Variants in PMP22 observed in about 807,000 individuals in gnomAD.
PMP22 encodes Charcot-Marie-Tooth neuropathy 1A (greatly reduced nerve conduction velocity, hereditary motor sensory neuropathy Ia).
PMP22 carries 2 observed loss-of-function variants against 18.9 expected under a neutral mutation model. That is an observed-to-expected ratio of 0.11 (90% CI 0.04 to 0.33). The LOEUF (loss-of-function observed/expected upper bound fraction) is 0.33, where lower values mean the gene tolerates loss of function less well. Ranked by LOEUF, PMP22 falls within the 10% of genes least tolerant of loss-of-function variation. The probability of loss-of-function intolerance (pLI) is 1.00; values close to 1 mark genes in which losing one functional copy is unlikely to be tolerated. For missense variants in PMP22, 169 were observed against 202.2 expected, an observed-to-expected ratio of 0.84 and a Z score of 1.00; for synonymous variants, 95 against 89.2, an observed-to-expected ratio of 1.07 and a Z score of -0.37.
At chr17:15,260,947 G>A in intron 1 of PMP22, 186 bp from the exon 2 acceptor site, 1 of 377,896 alleles carries the variant, frequency 2.6e-6, no homozygotes. Context: ...CCGCCTGCAG[G>A]ACCAGCGCCC....
At chr17:15,260,477 C>T in intron 2 of PMP22, 173 bp downstream of exon 2, 1 of 680,222 alleles carries the variant, frequency 1.5e-6, no homozygotes, top group Non-Finnish European at 2.7e-6. Flanking sequence ...ACTGAATCTG[C>T]TCTCGTTTTC....
chr17:15,260,868 C>G (rs1909276355), intron 1 of PMP22, 107 bp from the exon 2 acceptor site: 1 of 786,164 alleles, frequency 1.3e-6, no homozygotes, highest in South Asian at 1.6e-5. Context: ...CCTGGCCCAG[C>G]GCCCGCAGCC....
intron 3 of PMP22, among the ~76,000 whole-genome samples, chr17:15,243,553 G>A (rs562982145): frequency 1.4e-4 from 21 of 151,318 alleles, no homozygotes; most frequent in African/African-American, 4.6e-4. Flanking sequence ...AATGAGTCAA[G>A]ATACCACCTA....
intron 4 of PMP22, 89 bp downstream of exon 4, chr17:15,239,382 T>C (rs758199139): frequency 8.2e-6 from 12 of 1,464,940 alleles, no homozygotes; most frequent in Non-Finnish European, 1.1e-5. Context: ...ACATCAGTCA[T>C]TCTGAGGCCA....
Position 15,264,271 on chromosome 17 carries a change from A to G in PMP22, c.-35+883T>C, listed in dbSNP as rs189764587. The stretch of plus-strand genomic sequence containing the variant: ...ATAGATAGATATAGATAGATAGATA[A>G]AGATTTATAAATGAAAGTGCATATG... On this transcript the variant is annotated intron_variant, in intron 1 of 4. Coordinates refer to ENST00000312280, the MANE Select transcript of PMP22 (RefSeq NM_000304.4). Among the ~76,000 whole-genome samples the G allele has an allele frequency of 8.1e-3, 1,092 of 134,794 alleles. 6 individuals are homozygous for G. The highest frequency in any genetic ancestry group is 0.012 in the Non-Finnish European group (728 of 61,272). The allele number at this position is 134,794 out of a possible 152,430, so 88.4% of individuals were successfully genotyped here. A position where few individuals can be genotyped will look rare whatever the true frequency, so the allele number is the denominator to read the frequency against.
chr17:15,252,680 G>A (rs1908462968), intron 3 of PMP22, among the ~76,000 whole-genome samples: 1 of 152,228 alleles, frequency 6.6e-6, no homozygotes, highest in Non-Finnish European at 1.5e-5. Context: ...GATTCAAAAA[G>A]GGGCACATTT....
intron 3 of PMP22, among the ~76,000 whole-genome samples, chr17:15,244,319 G>GAAT (rs956195094): frequency 6.6e-6 from 1 of 151,940 alleles, no homozygotes; most frequent in Non-Finnish European, 1.5e-5. Context: ...CCATTCACAG[G>GAAT]AATAATAATA....
At chr17:15,243,975 G>A (rs1298072226) in intron 3 of PMP22, among the ~76,000 whole-genome samples, 1 of 152,000 alleles carries the variant, frequency 6.6e-6, no homozygotes, top group East Asian at 1.9e-4. Context: ...ATATAAACCA[G>A]TGGGGAAAAA....
At chr17:15,239,352 T>C in intron 4 of PMP22, 119 bp downstream of exon 4, 2 of 1,160,828 alleles carry the variant, frequency 1.7e-6, no homozygotes, top group Non-Finnish European at 2.6e-6. Flanking sequence ...ATGGAAAGCA[T>C]CCAGTGGGGA....
intron 4 of PMP22, among the ~76,000 whole-genome samples, chr17:15,238,218 T>C (rs1002788683): frequency 6.6e-6 from 1 of 152,166 alleles, no homozygotes; most frequent in African/African-American, 2.4e-5. Flanking sequence ...AAACCATGAG[T>C]ATTGAAATGT....
At chr17:15,245,850 CA>C (rs569106900) in intron 3 of PMP22, among the ~76,000 whole-genome samples, 3,478 of 141,512 alleles carry the variant, frequency 0.025, 130 homozygotes, top group African/African-American at 0.074. Context: ...ACTAAAAATA[CA>C]AAAAAAAAAA....
At chr17:15,256,599 C>T (rs1463986627) in intron 3 of PMP22, among the ~76,000 whole-genome samples, 1 of 152,172 alleles carries the variant, frequency 6.6e-6, no homozygotes, top group Non-Finnish European at 1.5e-5. Flanking sequence ...CGAGATTGCA[C>T]CACTATTTAT....
At chr17:15,250,895 A>ACTC (rs368022001) in intron 3 of PMP22, among the ~76,000 whole-genome samples, 1 of 152,258 alleles carries the variant, frequency 6.6e-6, no homozygotes, top group Non-Finnish European at 1.5e-5. Flanking sequence ...ATGACCACAA[A>ACTC]CTCCTCACTG....
chr17:15,234,588 T>A (rs1906628039), intron 4 of PMP22, among the ~76,000 whole-genome samples: 1 of 152,152 alleles, frequency 6.6e-6, no homozygotes, highest in African/African-American at 2.4e-5. Context: ...TCTCTGTGTT[T>A]CTGTGATTGA....
At chr17:15,264,050 G>T (rs2150715309) in intron 1 of PMP22, among the ~76,000 whole-genome samples, 1 of 152,280 alleles carries the variant, frequency 6.6e-6, no homozygotes, top group East Asian at 1.9e-4. Context: ...GGTGGTGATT[G>T]AAGGAGACAA....
At chr17:15,260,186 C>A in intron 2 of PMP22, 2 of 244,422 alleles carry the variant, frequency 8.2e-6, no homozygotes, top group South Asian at 5.5e-5. Flanking sequence ...GCCATAAAGC[C>A]GACATGGGAC....
rs11285111 is a variant in PMP22 at position 15,239,331 on chromosome 17, AC to A, written c.319+139del. ...TACACACCCACACATACAAGCACCCACCCTCACTTTATGGAAAGCATCCAGT... is the reference window on the plus strand; with the variant it reads ...TACACACCCACACATACAAGCACCCACCTCACTTTATGGAAAGCATCCAGT... On this transcript the variant is annotated intron_variant, in intron 4 of 4. Transcript: ENST00000312280. 2,654 of 976,954 alleles carry A rather than the reference AC, an allele frequency of 2.7e-3. 57 individuals are homozygous for A. The African/African-American group carries it at 0.037, about 14-fold the overall frequency. 60.5% of individuals were successfully genotyped at this position (976,954 alleles called of 1,614,324 possible). A position where few individuals can be genotyped will look rare whatever the true frequency, so the allele number is the denominator to read the frequency against.
At chr17:15,232,132 C>T (rs1212460744) in intron 4 of PMP22, among the ~76,000 whole-genome samples, 1 of 151,994 alleles carries the variant, frequency 6.6e-6, no homozygotes, top group Non-Finnish European at 1.5e-5. Context: ...ACCCGCGCCC[C>T]CCCACCGCCC....
intron 4 of PMP22, among the ~76,000 whole-genome samples, chr17:15,234,012 G>A (rs892720096): frequency 6.6e-6 from 1 of 152,186 alleles, no homozygotes; most frequent in African/African-American, 2.4e-5. Context: ...GATCACTCTG[G>A]CCATGGTGCA....
Sources: gnomAD v4.1 joint callset for allele counts (sites outside exome capture counted in the v4.1 genomes callset) on GRCh38, gnomAD v4.1.1 for gene constraint, MANE v1.5 for transcripts, NCBI Gene and HGNC (gene_info 2026-07-23, HGNC 2026-07-21) for gene names.